PREX2: variants seen among roughly 807,000 people sequenced by gnomAD.
PREX2 encodes phosphatidylinositol-3,4,5-trisphosphate dependent Rac exchange factor 2.
PREX2 carries 107 observed loss-of-function variants against 203.2 expected under a neutral mutation model. The observed-to-expected ratio is 0.53, with a 90% CI of 0.45 to 0.62. PREX2 has a LOEUF of 0.62. Among genes scored for constraint, PREX2 ranks in the 20% least tolerant of loss-of-function variants. The probability of loss-of-function intolerance (pLI) is 0.00; values close to 1 mark genes in which losing one functional copy is unlikely to be tolerated. For missense variants in PREX2, 1,777 were observed against 1,955.9 expected (o/e 0.91, Z 1.72); for synonymous variants, 672 against 663.6 (o/e 1.01, Z -0.19).
chr8:68,094,608 C>A (rs1809999975), intron 21 of PREX2, among the ~76,000 whole-genome samples: 1 of 152,212 alleles, frequency 6.6e-6, no homozygotes, highest in Non-Finnish European at 1.5e-5. Flanking sequence ...TGGTGGATGT[C>A]TCTGGATATC....
intron 6 of PREX2, among the ~76,000 whole-genome samples, chr8:68,034,489 T>C (rs1807976241): frequency 6.6e-6 from 1 of 152,186 alleles, no homozygotes. Flanking sequence ...AAGTCCTTGA[T>C]ACGCTTGTTT....
At chr8:68,083,570 A>G (rs1809595050) in intron 18 of PREX2, among the ~76,000 whole-genome samples, 182 bp downstream of exon 18, 1 of 152,192 alleles carries the variant, frequency 6.6e-6, no homozygotes. Context: ...TGATGCTGAC[A>G]TACTTGTTAC....
chr8:68,099,632 C>A, intron 22 of PREX2, 50 bp from the exon 23 acceptor site: 1 of 1,532,328 alleles, frequency 6.5e-7, no homozygotes, highest in Non-Finnish European at 8.9e-7. Context: ...ATGTGTGTGT[C>A]TGTATGTGTG....
Position 68,134,203 on chromosome 8 carries a change from G to T in PREX2, c.3911G>T (p.Ser1304Ile). ...AATGAGATGGAAACTTGGGAAGCCAGCAGGAGGTGGCTGGACCAGATAGCG... is the reference window on the plus strand; with the variant it reads ...AATGAGATGGAAACTTGGGAAGCCATCAGGAGGTGGCTGGACCAGATAGCG... The part of the protein sequence containing the change: ...KENEMETWEA[S>I]RRWLDQIANA... Residue 1304 changes from serine (S) to isoleucine (I), a missense_variant, in exon 32 of 40, where the codon AGC becomes ATC. Physicochemically the swap from Ser to Ile is moderately radical, Grantham distance 142 (BLOSUM62 -2). Transcript: ENST00000288368. 6 of 1,614,126 alleles carry T rather than the reference G, an allele frequency of 3.7e-6. No homozygotes were observed. Among genetic ancestry groups the T allele is most frequent in the Non-Finnish European group, 5.1e-6 (6 of 1,179,982 alleles).
At chr8:68,013,035 T>C (rs1807311310) in intron 1 of PREX2, among the ~76,000 whole-genome samples, 1 of 152,170 alleles carries the variant, frequency 6.6e-6, no homozygotes, top group Non-Finnish European at 1.5e-5. Context: ...AGTCTGGTGG[T>C]CTTCATAAAT....
At chr8:67,983,863 CA>C (rs1475975171) in intron 1 of PREX2, among the ~76,000 whole-genome samples, 1 of 152,164 alleles carries the variant, frequency 6.6e-6, no homozygotes, top group Non-Finnish European at 1.5e-5. Flanking sequence ...TCCATTTTCA[CA>C]TCTGTAAGAT....
At chr8:68,139,659 A>G (rs1811187053) in intron 33 of PREX2, among the ~76,000 whole-genome samples, 1 of 152,182 alleles carries the variant, frequency 6.6e-6, no homozygotes, top group African/African-American at 2.4e-5. Context: ...GAGGATGGTG[A>G]CTTGGCCTGG....
chr8:67,955,656 G>A (rs1470143040), intron 1 of PREX2, among the ~76,000 whole-genome samples: 1 of 152,190 alleles, frequency 6.6e-6, no homozygotes, highest in Non-Finnish European at 1.5e-5. Context: ...TGAGGACAGG[G>A]ACATACCACC....
chr8:67,957,545 T>C (rs143949559), intron 1 of PREX2, among the ~76,000 whole-genome samples: 36 of 152,280 alleles, frequency 2.4e-4, no homozygotes, highest in African/African-American at 8.4e-4. Context: ...AAAACATTTG[T>C]CTACATGGCA....
In PREX2 at chr8:67,952,321, G is replaced by C. The variant is rs1036444912; in HGVS notation, c.-74G>C. The C allele has an allele frequency of 1.3e-5, 16 of 1,266,522 alleles. No individual in the cohort carries two copies. In the African/African-American group the frequency reaches 1.6e-4, roughly 13 times the overall value. 78.5% of individuals were successfully genotyped at this position (1,266,522 alleles called of 1,614,324 possible). ...GCAACTTTCCATTCTCGCCGCCGGG[G>C]GCCGGGCAGCAGCGGGCGCGCGGGT... is the stretch of plus-strand genomic sequence containing the variant. On this transcript the variant is annotated 5_prime_UTR_variant, in exon 1 of 40. Coordinates refer to ENST00000288368, the MANE Select transcript of PREX2 (RefSeq NM_024870.4).
intron 5 of PREX2, among the ~76,000 whole-genome samples, chr8:68,029,062 C>G (rs779310422): frequency 1.2e-4 from 19 of 152,022 alleles, no homozygotes; most frequent in Middle Eastern, 3.2e-3. Context: ...GTACCATCAG[C>G]TGAAAAATTC....
chr8:68,127,411 A>T lies in PREX2; in HGVS notation c.3758A>T (p.Glu1253Val), dbSNP rs1810914634. Residue 1253 changes from glutamate (E) to valine (V), a missense_variant, in exon 31 of 40, where the codon GAA becomes GTA. Physicochemically the swap from Glu to Val is moderately radical, Grantham distance 121. Coordinates refer to ENST00000288368, the MANE Select transcript of PREX2 (RefSeq NM_024870.4). ...VKCRLLLALLEYSDSETQLRR... is the reference protein window; with the variant it reads ...VKCRLLLALLVYSDSETQLRR... The stretch of plus-strand genomic sequence containing the variant: ...TGTAGGCTACTCCTGGCTCTTCTTG[A>T]ATATTCAGGTAACATTTTGCATTTT... The T allele has an allele frequency of 6.2e-7, 1 of 1,607,152 alleles. No individual in the cohort carries two copies. Among genetic ancestry groups the T allele is most frequent in the African/African-American group, 1.3e-5 (1 of 74,646 alleles).
intron 30 of PREX2, among the ~76,000 whole-genome samples, chr8:68,122,330 G>T (rs1810791442): frequency 6.6e-6 from 1 of 151,748 alleles, no homozygotes; most frequent in African/African-American, 2.4e-5. Flanking sequence ...TTGACAGCTG[G>T]TTTTCTTGGC....
At chr8:68,158,109 GTGTGTA>G (rs1811579281) in intron 35 of PREX2, among the ~76,000 whole-genome samples, 1 of 21,912 alleles carries the variant, frequency 4.6e-5, no homozygotes, top group Non-Finnish European at 6.8e-5. Flanking sequence ...GTATATATAT[GTGTGTA>G]TATATATGTA....
At chr8:68,054,621 G>A (rs1387640732) in intron 9 of PREX2, among the ~76,000 whole-genome samples, 1 of 152,172 alleles carries the variant, frequency 6.6e-6, no homozygotes, top group African/African-American at 2.4e-5. Context: ...GCCAGTGTTC[G>A]TAGGATTTTA....
chr8:68,115,153 G>T (rs1264147581), intron 25 of PREX2, among the ~76,000 whole-genome samples: 2 of 150,312 alleles, frequency 1.3e-5, no homozygotes, highest in Non-Finnish European at 3.0e-5. Flanking sequence ...TTAGCCTCCT[G>T]AGTAGTTGGG....
rs1283932117 is a variant in PREX2, at chr8:68,236,999, TTAATAA to T, written c.*5628_*5633del. On this transcript the variant is annotated 3_prime_UTR_variant, in exon 40 of 40. Transcript: ENST00000288368. ...GAATAGTAACCGTGTATGATAAATG[TTAATAA>T]TAATAAAGTGAAATGTAGTATGACC... 6.6e-6 allele frequency: 1 copy of T among 152,166 alleles called. No homozygotes were observed. The highest frequency in any genetic ancestry group is 1.5e-5 in the Non-Finnish European group (1 of 68,010). 9.4% of individuals were successfully genotyped at this position (152,166 alleles called of 1,614,324 possible).
At position 68,096,865 on chromosome 8, in the gene PREX2, A is replaced by G. The variant is rs1474994804; in HGVS notation, c.2369-152A>G. 61 of 654,378 alleles carry G rather than the reference A, an allele frequency of 9.3e-5. No homozygotes were observed. In the Middle Eastern group the frequency reaches 1.6e-3, roughly 17 times the overall value. 40.5% of individuals were successfully genotyped at this position (654,378 alleles called of 1,614,324 possible). On this transcript the variant is annotated intron_variant, in intron 21 of 39. Coordinates refer to ENST00000288368, the MANE Select transcript of PREX2 (RefSeq NM_024870.4). ...CTTTTCTCGAAATGTTATTTTTTAA[A>G]ATGTTAACAAGAATAGATGCTTCAT... is the stretch of plus-strand genomic sequence containing the variant.
chr8:68,180,537 A>C (rs1812063854), intron 35 of PREX2, among the ~76,000 whole-genome samples: 1 of 152,018 alleles, frequency 6.6e-6, no homozygotes, highest in Admixed American at 6.6e-5. Flanking sequence ...GAAAAGTTTC[A>C]AAGTGTGAAT....
Sources: gnomAD v4.1 joint callset for allele counts (sites outside exome capture counted in the v4.1 genomes callset) on GRCh38, gnomAD v4.1.1 for gene constraint, MANE v1.5 for transcripts, NCBI Gene and HGNC (gene_info 2026-07-23, HGNC 2026-07-21) for gene names.